The following TMEM181 variants were observed in gnomAD, a reference collection of about 807,000 sequenced individuals.
TMEM181 encodes transmembrane protein 181, also known as G protein-coupled receptor 178.
TMEM181 carries 39 observed loss-of-function variants against 71.9 expected under a neutral mutation model. That is an observed-to-expected ratio of 0.54 (90% CI 0.42 to 0.71). The LOEUF (loss-of-function observed/expected upper bound fraction) is 0.71. TMEM181 is among the 30% of genes least tolerant of loss of function. The pLI, the probability that TMEM181 is intolerant of heterozygous loss-of-function variation, is 0.00. For synonymous variants in TMEM181, 245 were observed against 228.8 expected, an observed-to-expected ratio of 1.07 and a Z score of -0.64; for missense variants, 595 against 583.0, an observed-to-expected ratio of 1.02 and a Z score of -0.21.
rs182422643 is a variant in TMEM181 at position 158,548,237 on chromosome 6, C to A, written c.131+11372C>A. Among the ~76,000 whole-genome samples the A allele has an allele frequency of 2.2e-4, 33 of 152,284 alleles. 1 individual carries two copies. The East Asian group carries it at 6.2e-3, about 28-fold the overall frequency. ...TCTGGCCCACGTGCACCCTCTGAAACGTACTCTCCAACCTCCTGTCTGACT... is the reference window on the plus strand; with the variant it reads ...TCTGGCCCACGTGCACCCTCTGAAAAGTACTCTCCAACCTCCTGTCTGACT... On this transcript the variant is annotated intron_variant, in intron 1 of 16. Transcript: ENST00000367090.
intron 2 of TMEM181, 45 bp from the exon 3 acceptor site, chr6:158,580,895 C>T (rs1783433381): frequency 6.5e-7 from 1 of 1,530,730 alleles, no homozygotes; most frequent in Non-Finnish European, 9.0e-7. Context: ...ACTAAATTAT[C>T]AATATTGCTA....
intron 10 of TMEM181, chr6:158,609,912 C>T (rs151321614): frequency 2.0e-4 from 47 of 233,046 alleles, no homozygotes; most frequent in Non-Finnish European, 4.2e-4. Flanking sequence ...TGCCTCAGCA[C>T]TTCCCGGGCT....
intron 4 of TMEM181, among the ~76,000 whole-genome samples, chr6:158,584,482 T>C (rs1783656955): frequency 6.6e-6 from 1 of 152,172 alleles, no homozygotes; most frequent in South Asian, 2.1e-4. Flanking sequence ...TCCCCCACTT[T>C]CACAACAAGG....
chr6:158,629,944 CAGAG>C (rs990622916), intron 15 of TMEM181, 125 bp downstream of exon 15: 16 of 800,584 alleles, frequency 2.0e-5, no homozygotes, highest in Non-Finnish European at 3.4e-5. Context: ...CTTCTCTTGG[CAGAG>C]AGAGAGTGAG....
intron 1 of TMEM181, chr6:158,572,353 C>T: frequency 2.2e-6 from 1 of 455,766 alleles, no homozygotes; most frequent in South Asian, 1.6e-5. Context: ...CTGCCTGTCC[C>T]TGAGGTGAGG....
chr6:158,622,080 C>T (rs548900005), intron 10 of TMEM181, among the ~76,000 whole-genome samples: 12 of 152,268 alleles, frequency 7.9e-5, no homozygotes, highest in East Asian at 5.8e-4. Flanking sequence ...CCCGTTGGGC[C>T]GCCCACACTG....
chr6:158,621,332 G>T, intron 10 of TMEM181: 1 of 158,644 alleles, frequency 6.3e-6, no homozygotes, highest in South Asian at 1.8e-4. Flanking sequence ...AGGTTAGAAA[G>T]GGAGCTGGCA....
At chr6:158,594,688 T>C (rs1784298487) in intron 6 of TMEM181, among the ~76,000 whole-genome samples, 1 of 152,130 alleles carries the variant, frequency 6.6e-6, no homozygotes, top group Admixed American at 6.5e-5. Context: ...TCAACTTCTT[T>C]TTTGTTGTTG....
chr6:158,585,327 C>G lies in TMEM181; in HGVS notation c.283C>G (p.Pro95Ala), dbSNP rs755495893. The G allele has an allele frequency of 6.2e-7, 1 of 1,606,594 alleles. No individual in the cohort carries two copies. The highest frequency in any genetic ancestry group is 2.2e-5 in the East Asian group (1 of 44,746). ...SKETSIKTSF[P>A]MTVKVDGVAQ... The stretch of plus-strand genomic sequence containing the variant: ...AGAAACTTCTATTAAGACAAGCTTT[C>G]CCATGACTGTTAAAGTCGATGGTGT... Residue 95 changes from proline (P) to alanine (A), a missense_variant, in exon 5 of 17, where the codon CCC (proline) becomes GCC (alanine). Transcript: ENST00000684151.
At chr6:158,599,505 T>C (rs962994102) in intron 6 of TMEM181, among the ~76,000 whole-genome samples, 1 of 152,252 alleles carries the variant, frequency 6.6e-6, no homozygotes, top group Non-Finnish European at 1.5e-5. Flanking sequence ...ACTGTACTCT[T>C]TATTTCATTT....
chr6:158,587,844 C>A (rs1457787092), intron 5 of TMEM181, among the ~76,000 whole-genome samples: 1 of 152,120 alleles, frequency 6.6e-6, no homozygotes, highest in African/African-American at 2.4e-5. Flanking sequence ...TGAGATACAG[C>A]TCTTTTGTTA....
chr6:158,537,981 A>T (rs1781189188), intron 1 of TMEM181, among the ~76,000 whole-genome samples: 1 of 152,148 alleles, frequency 6.6e-6, no homozygotes, highest in Admixed American at 6.5e-5. Flanking sequence ...GTAAAAAATC[A>T]TGTGATGTAG....
chr6:158,557,636 G>C (rs1305367197), upstream of TMEM181, among the ~76,000 whole-genome samples: 1 of 152,098 alleles, frequency 6.6e-6, no homozygotes, highest in African/African-American at 2.4e-5. Context: ...TCCTGCTTCA[G>C]CCTCCCAAGT....
chr6:158,611,248 C>A (rs2128319846), intron 10 of TMEM181: 1 of 496,092 alleles, frequency 2.0e-6, no homozygotes, highest in Non-Finnish European at 4.1e-6. Flanking sequence ...CTGTGACACT[C>A]CTGGCTGTTC....
chr6:158,574,027 T>C (rs9456323), intron 2 of TMEM181, among the ~76,000 whole-genome samples: 59,960 of 151,828 alleles, frequency 0.39, 12,243 homozygotes, highest in Middle Eastern at 0.52. Flanking sequence ...AGCCAAGTGG[T>C]TTTCACAAGG....
chr6:158,631,164 A>G (rs974159411), intron 15 of TMEM181, among the ~76,000 whole-genome samples, 159 bp from the exon 16 acceptor site: 1 of 152,174 alleles, frequency 6.6e-6, no homozygotes, highest in African/African-American at 2.4e-5. Flanking sequence ...AGATGAGAAA[A>G]CAGCCTCACG....
At position 158,608,409 on chromosome 6, in the gene TMEM181, C is replaced by G; in HGVS notation, c.750C>G (p.Phe250Leu). 6.2e-7 allele frequency: 1 copy of G among 1,614,228 alleles called. No individual in the cohort carries two copies. The highest frequency in any genetic ancestry group is 2.2e-5 in the East Asian group (1 of 44,890). ...GMLDDLFQSM[F>L]LCALLLFWLC... ...TGGATGACCTCTTTCAGTCCATGTT[C>G]CTGTGCGCCCTGCTGCTCTTCTGGC... The change falls in exon 9 of 17, where the codon TTC (phenylalanine) becomes TTG (leucine). Residue 250 changes from phenylalanine (F) to leucine (L), a missense_variant. Coordinates refer to ENST00000684151, the MANE Select transcript of TMEM181 (RefSeq NM_001376852.1).
Position 158,580,953 on chromosome 6 carries a change from C to A in TMEM181, c.126C>A (p.Ile42=). The A allele has an allele frequency of 6.2e-7, 1 of 1,608,746 alleles. No homozygotes were observed. ...GTTACACTTTAGGACCTAAAGTGAT[C>A]CAGACTTCTGCGGCTAATTTTTCAC... The part of the protein sequence containing the change: ...IFVGIRGPKV[I]QTSAANFSLN... Residue 42 remains isoleucine, a synonymous_variant, in exon 3 of 17, where the codon ATC becomes ATA. Transcript: ENST00000684151.
intron 1 of TMEM181, among the ~76,000 whole-genome samples, chr6:158,571,754 C>G (rs1782862748): frequency 6.6e-6 from 1 of 152,260 alleles, no homozygotes; most frequent in Non-Finnish European, 1.5e-5. Context: ...TAGGTTGGAG[C>G]CTGCAGCGCC....
Sources: allele counts gnomAD v4.1 joint callset (sites outside exome capture counted in the v4.1 genomes callset), GRCh38; gene constraint gnomAD v4.1.1; transcripts MANE v1.5; gene names NCBI Gene and HGNC (gene_info 2026-07-23, HGNC 2026-07-21).